RPSA2: variants seen among roughly 807,000 people sequenced by gnomAD.
RPSA2 encodes the protein small ribosomal subunit protein uS2B.
chr19:23,824,350 TG>T, the RPSA2 span, among the ~76,000 whole-genome samples: 1 of 114,990 alleles, frequency 8.7e-6, no homozygotes, highest in Non-Finnish European at 1.8e-5. Context: ...CTTGTCATGT[TG>T]CCCAGAACAG....
the RPSA2 span, among the ~76,000 whole-genome samples, chr19:23,867,590 G>A: frequency 6.6e-6 from 1 of 152,194 alleles, no homozygotes; most frequent in Non-Finnish European, 1.5e-5. Context: ...CAGCACTTTG[G>A]GAGGCAGAGG....
the RPSA2 span, among the ~76,000 whole-genome samples, chr19:23,798,381 A>ATG: frequency 6.6e-6 from 1 of 152,212 alleles, no homozygotes; most frequent in Non-Finnish European, 1.5e-5. Context: ...AGTGGAGTAT[A>ATG]TTGTCATACC....
chr19:23,762,135 C>G, the RPSA2 span, among the ~76,000 whole-genome samples: 6 of 149,978 alleles, frequency 4.0e-5, no homozygotes, highest in African/African-American at 1.5e-4. Context: ...TCAGGCTGGT[C>G]TCGAACTCCT....
chr19:23,799,698 C>G, the RPSA2 span, among the ~76,000 whole-genome samples: 1 of 137,710 alleles, frequency 7.3e-6, no homozygotes, highest in African/African-American at 2.7e-5. Flanking sequence ...ATGCAAGTAG[C>G]CAAAAAGATA....
chr19:23,861,162 C>T, the RPSA2 span, among the ~76,000 whole-genome samples: 22 of 152,288 alleles, frequency 1.4e-4, no homozygotes, highest in Admixed American at 1.0e-3. Context: ...CGGATCACCC[C>T]AGTGCAAATT....
the RPSA2 span, among the ~76,000 whole-genome samples, chr19:23,839,962 G>A: frequency 6.6e-6 from 1 of 152,206 alleles, no homozygotes; most frequent in Non-Finnish European, 1.5e-5. Context: ...CACTGTATTT[G>A]GGGTGTCTGT....
At chr19:23,815,235 G>A in the RPSA2 span, among the ~76,000 whole-genome samples, 1 of 152,146 alleles carries the variant, frequency 6.6e-6, no homozygotes, top group Non-Finnish European at 1.5e-5. Context: ...GCTTTTGACT[G>A]GAAAGTTTTG....
chr19:23,817,775 A>C, the RPSA2 span: 1 of 152,242 alleles, frequency 6.6e-6, no homozygotes, highest in Non-Finnish European at 1.5e-5. Flanking sequence ...GCAGTTAATC[A>C]AACAGTGACA....
chr19:23,827,967 C>T, the RPSA2 span: 1 of 906,018 alleles, frequency 1.1e-6, no homozygotes, highest in East Asian at 2.6e-5. Context: ...GACTGGAGCG[C>T]TCAGCCTGCC....
the RPSA2 span, among the ~76,000 whole-genome samples, chr19:23,814,379 T>C: frequency 6.6e-6 from 1 of 152,300 alleles, no homozygotes; most frequent in East Asian, 1.9e-4. Flanking sequence ...TGTGTGCTCA[T>C]GTCAATTTTG....
chr19:23,860,356 CT>C, the RPSA2 span, among the ~76,000 whole-genome samples: 2 of 152,158 alleles, frequency 1.3e-5, no homozygotes, highest in Non-Finnish European at 2.9e-5. Flanking sequence ...ACTTAAACTG[CT>C]TTTTTTGGTT....
At chr19:23,854,342 C>G in the RPSA2 span, among the ~76,000 whole-genome samples, 1 of 152,188 alleles carries the variant, frequency 6.6e-6, no homozygotes, top group Non-Finnish European at 1.5e-5. Flanking sequence ...AATGGTACTA[C>G]AGAGATCTAC....
At chr19:23,797,235 A>G in the RPSA2 span, among the ~76,000 whole-genome samples, 2 of 152,028 alleles carry the variant, frequency 1.3e-5, no homozygotes, top group South Asian at 4.1e-4. Context: ...TCAGCCTCCC[A>G]AGTAGCTAGG....
At chr19:23,835,654 T>A in the RPSA2 span, among the ~76,000 whole-genome samples, 2 of 152,122 alleles carry the variant, frequency 1.3e-5, no homozygotes, top group East Asian at 3.9e-4. Context: ...TTTTTTCTTT[T>A]GAGATAGAGT....
chr19:23,850,981 G>A, the RPSA2 span, among the ~76,000 whole-genome samples: 1 of 152,160 alleles, frequency 6.6e-6, no homozygotes, highest in African/African-American at 2.4e-5. Context: ...ATTCCCCATT[G>A]TTGCATAAAT....
chr19:23,870,283 T>G, the RPSA2 span, among the ~76,000 whole-genome samples: 1 of 152,220 alleles, frequency 6.6e-6, no homozygotes, highest in Admixed American at 6.5e-5. Flanking sequence ...CAACTAAGCA[T>G]GGCTACTTCA....
At chr19:23,811,476 A>G in the RPSA2 span, among the ~76,000 whole-genome samples, 1 of 151,982 alleles carries the variant, frequency 6.6e-6, no homozygotes, top group Non-Finnish European at 1.5e-5. Flanking sequence ...GGAATGACTG[A>G]CAAATTTTCT....
At chr19:23,846,843 G>A in the RPSA2 span, among the ~76,000 whole-genome samples, 1 of 152,134 alleles carries the variant, frequency 6.6e-6, no homozygotes, top group Non-Finnish European at 1.5e-5. Context: ...CCATATTGAG[G>A]TCTGTTTTGC....
the RPSA2 span, among the ~76,000 whole-genome samples, chr19:23,845,574 C>T: frequency 3.3e-5 from 5 of 152,206 alleles, no homozygotes; most frequent in African/African-American, 9.7e-5. Flanking sequence ...TCACTGCAAC[C>T]TCTGCCTTCC....
Sources: allele counts gnomAD v4.1 joint callset (sites outside exome capture counted in the v4.1 genomes callset), GRCh38; gene constraint gnomAD v4.1.1; transcripts MANE v1.5; gene names NCBI Gene and HGNC (gene_info 2026-07-23, HGNC 2026-07-21).